The following SEL1L variants were observed in gnomAD, a reference collection of about 807,000 sequenced individuals.
SEL1L encodes the protein SEL1L adaptor subunit of SYVN1 ubiquitin ligase, also known as protein sel-1 homolog 1.
Under a neutral mutation model 109.8 loss-of-function variants are expected in SEL1L, and 52 were observed. The ratio of observed to expected loss-of-function variants is 0.47; its 90% CI spans 0.38 to 0.60. The LOEUF (loss-of-function observed/expected upper bound fraction) is 0.60. Ranked by LOEUF, SEL1L falls within the 20% of genes least tolerant of loss-of-function variation. The probability of loss-of-function intolerance (pLI) is 0.00; values close to 1 mark genes in which losing one functional copy is unlikely to be tolerated. For missense variants in SEL1L, 749 were observed against 962.2 expected, an observed-to-expected ratio of 0.78 and a Z score of 2.93; for synonymous variants, 373 against 339.6, an observed-to-expected ratio of 1.10 and a Z score of -1.08.
chr14:81,499,217 CTTTT>C (rs1883901537), intron 8 of SEL1L: 1 of 1,205,608 alleles, frequency 8.3e-7, no homozygotes, highest in East Asian at 3.5e-5. Flanking sequence ...TCAGATCTCT[CTTTT>C]TAGGGGCAAT....
intron 10 of SEL1L, among the ~76,000 whole-genome samples, chr14:81,497,175 T>C (rs1198478035): frequency 6.6e-6 from 1 of 152,142 alleles, no homozygotes; most frequent in Non-Finnish European, 1.5e-5. Context: ...TCAGCTAACA[T>C]TTAGATCTAC....
chr14:81,528,414 C>T (rs900834450), intron 1 of SEL1L, among the ~76,000 whole-genome samples: 2 of 152,176 alleles, frequency 1.3e-5, no homozygotes, highest in Admixed American at 6.5e-5. Flanking sequence ...ACCGGTTACA[C>T]CTTGCTTACA....
chr14:81,480,351 G>A (rs1055464593), intron 19 of SEL1L, among the ~76,000 whole-genome samples: 29 of 152,184 alleles, frequency 1.9e-4, no homozygotes, highest in Admixed American at 1.0e-3. Flanking sequence ...CACCTCGCCC[G>A]GCTAATTTTT....
rs781551338 is a variant in SEL1L at position 81,492,497 on chromosome 14, T to C, written c.1237A>G (p.Met413Val). ...TACAGTACCTTTCCCAAAAAGGCCA[T>C]GGCATGTGAATTGCCAGCATTTGCT... ...LAANAGNSHAMAFLGKMYSEG... is the reference protein window; with the variant it reads ...LAANAGNSHAVAFLGKMYSEG... Residue 413 changes from methionine (M) to valine (V), a missense_variant, in exon 12 of 21, where the codon ATG becomes GTG. Physicochemically the swap from Met to Val is conservative, Grantham distance 21. Transcript: ENST00000336735. 7 of 1,612,652 alleles carry C rather than the reference T, an allele frequency of 4.3e-6. No homozygotes were observed. The highest frequency in any genetic ancestry group is 2.2e-5 in the East Asian group (1 of 44,856).
At chr14:81,532,311 C>T (rs1034607267) in intron 1 of SEL1L, among the ~76,000 whole-genome samples, 54 of 152,294 alleles carry the variant, frequency 3.5e-4, no homozygotes, top group African/African-American at 1.2e-3. Context: ...CTGTTCCAGA[C>T]CTAAAACCCA....
At chr14:81,491,820 A>G (rs1201282865) in intron 12 of SEL1L, among the ~76,000 whole-genome samples, 3 of 152,190 alleles carry the variant, frequency 2.0e-5, no homozygotes, top group Non-Finnish European at 4.4e-5. Flanking sequence ...TATCACATTT[A>G]AGACAATTAA....
intron 5 of SEL1L, among the ~76,000 whole-genome samples, chr14:81,503,549 G>A (rs554977864): frequency 1.3e-5 from 2 of 152,146 alleles, no homozygotes; most frequent in Middle Eastern, 3.4e-3. Flanking sequence ...ATGCTGCCCA[G>A]ATTGGCTAGC....
chr14:81,527,437 T>TCACACACA (rs1555348588), intron 2 of SEL1L, among the ~76,000 whole-genome samples: 1 of 70,320 alleles, frequency 1.4e-5, no homozygotes, highest in Admixed American at 1.5e-4. Flanking sequence ...ATCTTCAAAC[T>TCACACACA]TACACACACA....
At chr14:81,481,136 G>T (rs952020769) in intron 19 of SEL1L, among the ~76,000 whole-genome samples, 1 of 152,180 alleles carries the variant, frequency 6.6e-6, no homozygotes, top group Non-Finnish European at 1.5e-5. Flanking sequence ...TCTGTAAAGG[G>T]TGAAACCAGG....
chr14:81,488,706 T>A (rs1365746162), intron 14 of SEL1L: 1 of 152,700 alleles, frequency 6.5e-6, no homozygotes, highest in Non-Finnish European at 1.5e-5. Flanking sequence ...AACCAAAAAA[T>A]GTCAATTGGA....
At chr14:81,509,529 ATATT>A (rs1884377367) in intron 3 of SEL1L, among the ~76,000 whole-genome samples, 2 of 152,244 alleles carry the variant, frequency 1.3e-5, no homozygotes, top group Admixed American at 1.3e-4. Flanking sequence ...CAAGAGGAAG[ATATT>A]TATAGTACAG....
At chr14:81,511,388 G>T (rs1884471155) in intron 3 of SEL1L, among the ~76,000 whole-genome samples, 1 of 152,220 alleles carries the variant, frequency 6.6e-6, no homozygotes, top group Admixed American at 6.5e-5. Flanking sequence ...GACAGGCACT[G>T]TCAAAAACCA....
At position 81,499,356 on chromosome 14, in the gene SEL1L, T is replaced by C; in HGVS notation, c.891+103A>G. ...AGTTCAACTGAATATTTGGTCTTAA[T>C]ACAAGCAAATCTGGATCATGAAAGC... On this transcript the variant is annotated intron_variant, in intron 8 of 20. Transcript: ENST00000336735. The C allele has an allele frequency of 1.1e-5, 17 of 1,517,284 alleles. No homozygotes were observed. In the South Asian group the frequency reaches 2.0e-4, roughly 18 times the overall value. 94.0% of individuals were successfully genotyped at this position (1,517,284 alleles called of 1,614,324 possible). A position where few individuals can be genotyped will look rare whatever the true frequency, so the allele number is the denominator to read the frequency against.
At chr14:81,481,752 AC>A (rs1259790326) in intron 19 of SEL1L, among the ~76,000 whole-genome samples, 3 of 152,116 alleles carry the variant, frequency 2.0e-5, no homozygotes, top group African/African-American at 7.2e-5. Context: ...AAGTAATGGG[AC>A]CGCGTGCAGT....
At chr14:81,513,215 A>G (rs1402753925) in intron 3 of SEL1L, among the ~76,000 whole-genome samples, 1 of 152,192 alleles carries the variant, frequency 6.6e-6, no homozygotes, top group Non-Finnish European at 1.5e-5. Context: ...ACCAATTAGC[A>G]GGACATGGGC....
chr14:81,509,639 A>C (rs1211692629), intron 3 of SEL1L, among the ~76,000 whole-genome samples: 4 of 152,242 alleles, frequency 2.6e-5, no homozygotes, highest in African/African-American at 9.6e-5. Flanking sequence ...AGTAAGAAAA[A>C]GTAAAAAGCA....
rs781020817 is a variant in SEL1L, at chr14:81,477,147, T to A, written c.2210A>T (p.Gln737Leu). The change falls in exon 21 of 21, where the codon CAG (glutamine) becomes CTG (leucine). Residue 737 changes from glutamine (Q) to leucine (L), a missense_variant. Gln to Leu is a moderately radical substitution (Grantham distance 113). Around this residue, in one of 2 missense-constraint regions of SEL1L, gnomAD observed 383 missense variants for 562.5 expected, o/e 0.68. Transcript: ENST00000336735. ...RDMFTQLDMD[Q>L]LLGPEWDLYL... ...AAGGTCCCACTCAGGTCCCAAAAGC[T>A]GGTCCATATCAAGTTGGGTGAACAT... The A allele has an allele frequency of 6.2e-7, 1 of 1,614,194 alleles. No homozygotes were observed. Among genetic ancestry groups the A allele is most frequent in the Non-Finnish European group, 8.5e-7 (1 of 1,180,022 alleles).
At chr14:81,515,311 T>C (rs1884657746) in intron 3 of SEL1L, among the ~76,000 whole-genome samples, 1 of 152,214 alleles carries the variant, frequency 6.6e-6, no homozygotes, top group South Asian at 2.1e-4. Context: ...ACAGATGTCC[T>C]ACAGGGTCTA....
chr14:81,490,091 A>C (rs371632013), intron 13 of SEL1L, among the ~76,000 whole-genome samples: 55 of 152,348 alleles, frequency 3.6e-4, no homozygotes, highest in African/African-American at 1.3e-3. Flanking sequence ...ATGTTGTGAT[A>C]CAAATAGGGT....
Sources: allele counts gnomAD v4.1 joint callset (sites outside exome capture counted in the v4.1 genomes callset), GRCh38; gene constraint gnomAD v4.1.1; regional missense constraint gnomAD v4.1.1; transcripts MANE v1.5; gene names NCBI Gene and HGNC (gene_info 2026-07-23, HGNC 2026-07-21).